The following MYCBP2 variants were observed in gnomAD, a reference collection of about 807,000 sequenced individuals.
MYCBP2 encodes MYC binding protein 2, also known as E3 ubiquitin-protein ligase MYCBP2.
A neutral mutation model predicts 525.3 loss-of-function variants in MYCBP2; 120 were observed. That is an observed-to-expected ratio of 0.23 (90% CI 0.20 to 0.27). The LOEUF is 0.27. MYCBP2 is among the 10% of genes least tolerant of loss of function. The probability of loss-of-function intolerance (pLI) is 1.00; values close to 1 mark genes in which losing one functional copy is unlikely to be tolerated. For missense variants in MYCBP2, 4,149 were observed against 5,657.1 expected (o/e 0.73, Z 8.55); for synonymous variants, 1,894 against 1,955.8 (o/e 0.97, Z 0.83).
chr13:77,051,949 G>C, intron 80 of MYCBP2, 31 bp from the exon 81 acceptor site: 4 of 1,568,864 alleles, frequency 2.5e-6, no homozygotes, highest in Non-Finnish European at 3.5e-6. Flanking sequence ...GATTACAGCA[G>C]GAAAAAAGAA....
At position 77,278,812 on chromosome 13, in the gene MYCBP2, C is replaced by A; in HGVS notation, c.694G>T (p.Val232Leu). ...CCTTCTGGCTGCTGGCCCTGCAGCA[C>A]GTTGAGCAGGGCTTGGAGACTCCTG... ...CLRSLQALLNVLQGQQPEGLQ... is the reference protein window; with the variant it reads ...CLRSLQALLNLLQGQQPEGLQ... The change falls in exon 4 of 83, where the codon GTG becomes TTG. Residue 232 changes from valine (V) to leucine (L), a missense_variant. This residue lies in a region of MYCBP2 where 413 missense variants were observed against 451.2 expected (regional missense o/e 0.92). Transcript: ENST00000544440. The A allele has an allele frequency of 6.3e-7, 1 of 1,596,570 alleles. No homozygotes were observed.
intron 16 of MYCBP2, 106 bp downstream of exon 16, chr13:77,243,697 AATT>A (rs1221933461): frequency 3.2e-6 from 3 of 943,752 alleles, no homozygotes; most frequent in Non-Finnish European, 4.5e-6. Context: ...TGCATACATT[AATT>A]ATTATCCTAA....
rs1305213479 is a variant in MYCBP2 at position 77,061,705 on chromosome 13, C to T, written c.12860G>A (p.Arg4287Lys). ...VCGNLCTDCDRFLHLHRRTKT... is the reference protein window; with the variant it reads ...VCGNLCTDCDKFLHLHRRTKT... Reference sequence around the variant, plus strand: ...GGTTCTTCGATGAAGGTGAAGGAATCTGTCACAGTCTGTACATAAATTTCC... The same window carrying T: ...GGTTCTTCGATGAAGGTGAAGGAATTTGTCACAGTCTGTACATAAATTTCC... The change falls in exon 75 of 83, where the codon AGA becomes AAA. Residue 4287 changes from arginine to lysine, a missense_variant. Physicochemically the swap from Arg to Lys is conservative, Grantham distance 26. Around this residue, in one of 21 missense-constraint regions of MYCBP2, gnomAD observed 220 missense variants for 396.0 expected, o/e 0.56. Transcript: ENST00000544440. The T allele has an allele frequency of 6.2e-7, 1 of 1,611,858 alleles. No individual in the cohort carries two copies.
chr13:77,132,719 G>T (rs1046157817), intron 52 of MYCBP2, among the ~76,000 whole-genome samples: 2 of 152,136 alleles, frequency 1.3e-5, no homozygotes, highest in Non-Finnish European at 1.5e-5. Flanking sequence ...AGAATTGGGT[G>T]TGTAAGTTTG....
chr13:77,068,942 T>C (rs1471980248), intron 69 of MYCBP2, 111 bp from the exon 70 acceptor site: 7 of 1,028,604 alleles, frequency 6.8e-6, no homozygotes. Flanking sequence ...TGATACTCAA[T>C]TTAATACTAT....
At chr13:77,191,851 T>TA (rs749206346) in intron 27 of MYCBP2, 38 bp from the exon 28 acceptor site, 15 of 1,595,426 alleles carry the variant, frequency 9.4e-6, no homozygotes, top group Non-Finnish European at 9.4e-6. Flanking sequence ...AATATTTTCT[T>TA]ACTTCTCTGT....
intron 52 of MYCBP2, among the ~76,000 whole-genome samples, chr13:77,134,835 G>T (rs896925878): frequency 6.6e-6 from 1 of 152,158 alleles, no homozygotes; most frequent in Non-Finnish European, 1.5e-5. Context: ...GTCAAATATG[G>T]TGTTTAAATA....
intron 55 of MYCBP2, among the ~76,000 whole-genome samples, chr13:77,117,080 T>C (rs1046583111): frequency 9.2e-5 from 14 of 152,080 alleles, no homozygotes; most frequent in African/African-American, 3.4e-4. Context: ...TTAAAACTTC[T>C]TGAAACCTAA....
intron 1 of MYCBP2, among the ~76,000 whole-genome samples, chr13:77,312,330 T>C (rs1337744343): frequency 6.6e-6 from 1 of 152,028 alleles, no homozygotes; most frequent in Non-Finnish European, 1.5e-5. Flanking sequence ...CACAAAATAC[T>C]AGATTTTTCC....
intron 55 of MYCBP2, among the ~76,000 whole-genome samples, chr13:77,105,351 A>G (rs2047691953): frequency 6.6e-6 from 1 of 152,134 alleles, no homozygotes; most frequent in Admixed American, 6.6e-5. Flanking sequence ...AATATATTAC[A>G]AAGGCTAGAG....
rs188277126 is a variant in MYCBP2, at chr13:77,318,531, G to A, written c.302+7943C>T. Reference sequence around the variant, plus strand: ...AGCACTTTGGGAGAACGAGGCAGGCGGATCACGAGGTGAGGAGTTCGAGAC... The same window carrying A: ...AGCACTTTGGGAGAACGAGGCAGGCAGATCACGAGGTGAGGAGTTCGAGAC... On this transcript the variant is annotated intron_variant, in intron 1 of 82. Coordinates refer to ENST00000544440, the MANE Select transcript of MYCBP2 (RefSeq NM_015057.5). Among the ~76,000 whole-genome samples the A allele has an allele frequency of 9.8e-5, 15 of 152,342 alleles. No homozygotes were observed. In the South Asian group the frequency reaches 1.0e-3, roughly 11 times the overall value.
At chr13:77,234,024 A>T (rs2067519952) in intron 17 of MYCBP2, among the ~76,000 whole-genome samples, 1 of 152,000 alleles carries the variant, frequency 6.6e-6, no homozygotes, top group Non-Finnish European at 1.5e-5. Flanking sequence ...ATATATAAAT[A>T]CATACCCACA....
At chr13:77,212,707 A>G (rs1410982372) in intron 21 of MYCBP2, among the ~76,000 whole-genome samples, 1 of 152,260 alleles carries the variant, frequency 6.6e-6, no homozygotes, top group African/African-American at 2.4e-5. Flanking sequence ...TTTAAAATAA[A>G]CAGCACAATC....
chr13:77,107,329 T>C (rs2048006483), intron 55 of MYCBP2, among the ~76,000 whole-genome samples: 1 of 152,198 alleles, frequency 6.6e-6, no homozygotes, highest in African/African-American at 2.4e-5. Flanking sequence ...AGACAATATA[T>C]AAATTATGCC....
chr13:77,103,778 T>C (rs1475599354), intron 55 of MYCBP2, among the ~76,000 whole-genome samples: 4 of 152,184 alleles, frequency 2.6e-5, no homozygotes, highest in Admixed American at 6.6e-5. Flanking sequence ...TTCCAGTATG[T>C]ATCTCAGAAT....
At position 77,165,256 on chromosome 13, in the gene MYCBP2, A is replaced by G; in HGVS notation, c.6459+17T>C. On this transcript the variant is annotated intron_variant, in intron 42 of 82. Coordinates refer to ENST00000544440, the MANE Select transcript of MYCBP2 (RefSeq NM_015057.5). The stretch of plus-strand genomic sequence containing the variant: ...CACAATCTTCCTTAAAAGAATGAAA[A>G]GATAATTCATTCTTACCTCATCAGG... The G allele has an allele frequency of 1.3e-6, 2 of 1,526,778 alleles. No individual in the cohort carries two copies. Among genetic ancestry groups the G allele is most frequent in the East Asian group, 4.5e-5 (2 of 44,394 alleles). The allele number at this position is 1,526,778 out of a possible 1,614,324, so 94.6% of individuals were successfully genotyped here.
At chr13:77,074,219 C>T (rs1054291214) in intron 68 of MYCBP2, among the ~76,000 whole-genome samples, 1 of 152,040 alleles carries the variant, frequency 6.6e-6, no homozygotes, top group Non-Finnish European at 1.5e-5. Flanking sequence ...GGTAAATTGA[C>T]TATTGATAAA....
intron 4 of MYCBP2, 82 bp downstream of exon 4, chr13:77,278,673 CTCT>C (rs576376096): frequency 4.9e-5 from 59 of 1,192,598 alleles, no homozygotes; most frequent in Non-Finnish European, 6.0e-5. Flanking sequence ...TAGAAATATT[CTCT>C]TAACAATTTT....
At chr13:77,222,196 A>G (rs536803423) in intron 20 of MYCBP2, among the ~76,000 whole-genome samples, 1 of 152,316 alleles carries the variant, frequency 6.6e-6, no homozygotes, top group East Asian at 1.9e-4. Context: ...GCAAAGCAAA[A>G]TATCAGTTGG....
Sources: allele counts gnomAD v4.1 joint callset (sites outside exome capture counted in the v4.1 genomes callset), GRCh38; gene constraint gnomAD v4.1.1; regional missense constraint gnomAD v4.1.1; transcripts MANE v1.5; gene names NCBI Gene and HGNC (gene_info 2026-07-23, HGNC 2026-07-21).